CCDC93: variants seen among roughly 807,000 people sequenced by gnomAD.
CCDC93 encodes CCC complex scaffolding subunit CCDC93.
Under a neutral mutation model 108.2 loss-of-function variants are expected in CCDC93, and 61 were observed. The ratio of observed to expected loss-of-function variants is 0.56; its 90% CI spans 0.46 to 0.70. The LOEUF (loss-of-function observed/expected upper bound fraction) is 0.70, where lower values mean the gene tolerates loss of function less well. CCDC93 is among the 30% of genes least tolerant of loss of function. The pLI is 0.00. For missense variants in CCDC93, 685 were observed against 764.2 expected (o/e 0.90, Z 1.22); for synonymous variants, 276 against 260.4 (o/e 1.06, Z -0.58).
chr2:117,962,197 T>G (rs766093046), intron 11 of CCDC93, among the ~76,000 whole-genome samples: 19 of 152,230 alleles, frequency 1.2e-4, no homozygotes, highest in Non-Finnish European at 1.2e-4. Flanking sequence ...ACATCAACCT[T>G]CTAATACAGG....
chr2:117,951,599 C>T (rs772516240), intron 13 of CCDC93: 9 of 999,992 alleles, frequency 9.0e-6, no homozygotes, highest in African/African-American at 3.5e-5. Flanking sequence ...CCAGGAAGTA[C>T]GAGGTAGGGA....
chr2:117,989,266 C>T (rs373941901), intron 6 of CCDC93, among the ~76,000 whole-genome samples: 3 of 152,142 alleles, frequency 2.0e-5, no homozygotes, highest in African/African-American at 4.8e-5. Flanking sequence ...CAGACTCCCC[C>T]CTGTGTGATG....
At chr2:117,972,396 A>G (rs1395396201) in intron 11 of CCDC93, among the ~76,000 whole-genome samples, 2 of 152,212 alleles carry the variant, frequency 1.3e-5, no homozygotes, top group Non-Finnish European at 2.9e-5. Context: ...TTAGGAGATA[A>G]AGACACAGAG....
At chr2:117,928,452 C>T (rs1469794210) in intron 23 of CCDC93, among the ~76,000 whole-genome samples, 1 of 152,160 alleles carries the variant, frequency 6.6e-6, no homozygotes, top group South Asian at 2.1e-4. Flanking sequence ...GGGCAAAGGA[C>T]ATGAACAGAC....
chr2:117,958,326 T>C (rs764036297), intron 12 of CCDC93, 39 bp downstream of exon 12: 32 of 1,301,644 alleles, frequency 2.5e-5, no homozygotes, highest in African/African-American at 8.7e-5. Flanking sequence ...CAATCTACCA[T>C]GAAGATCTTG....
chr2:117,996,384 C>T (rs1479540448), intron 4 of CCDC93, 22 bp from the exon 5 acceptor site: 2 of 1,554,754 alleles, frequency 1.3e-6, no homozygotes, highest in East Asian at 2.2e-5. Context: ...AGTGAAAAGA[C>T]AAGAGTTGCT....
In CCDC93 at chr2:117,990,655, A is replaced by G. The variant is rs71422555; in HGVS notation, c.520-4586T>C. 3.3e-5 allele frequency among the ~76,000 whole-genome samples: 5 copies of G among 152,302 alleles called. No homozygotes were observed. In the East Asian group the frequency reaches 9.6e-4, roughly 29 times the overall value. On this transcript the variant is annotated intron_variant, in intron 6 of 23. Transcript: ENST00000376300. Reference sequence around the variant, plus strand: ...GAAGAAAAAAAAAAAAAACAGAGATACAAACTATAGTTGAACTAGTTCCAC... The same window carrying G: ...GAAGAAAAAAAAAAAAAACAGAGATGCAAACTATAGTTGAACTAGTTCCAC...
At chr2:117,969,387 C>T (rs931611325) in intron 11 of CCDC93, among the ~76,000 whole-genome samples, 1 of 152,218 alleles carries the variant, frequency 6.6e-6, no homozygotes, top group Non-Finnish European at 1.5e-5. Context: ...TCAGATGAGA[C>T]TGCAGCCTTG....
chr2:117,927,506 C>T (rs987131692), intron 23 of CCDC93, among the ~76,000 whole-genome samples: 3 of 152,094 alleles, frequency 2.0e-5, no homozygotes, highest in African/African-American at 2.4e-5. Context: ...TGAACTCCCA[C>T]TCACAACTGC....
At chr2:117,951,588 T>A (rs1318697321) in intron 13 of CCDC93, 1 of 999,994 alleles carries the variant, frequency 1.0e-6, no homozygotes, top group African/African-American at 1.7e-5. Context: ...TTCCAAATCG[T>A]CCAGGAAGTA....
chr2:118,005,895 T>C (rs1227188975), intron 3 of CCDC93, among the ~76,000 whole-genome samples: 1 of 152,112 alleles, frequency 6.6e-6, no homozygotes, highest in Non-Finnish European at 1.5e-5. Flanking sequence ...TTCCTGATGC[T>C]CAGTTACTCA....
chr2:117,927,990 A>G (rs1327039554), intron 23 of CCDC93, among the ~76,000 whole-genome samples: 2 of 152,234 alleles, frequency 1.3e-5, no homozygotes, highest in East Asian at 3.8e-4. Flanking sequence ...GACAAACCTG[A>G]CAAAAACAAG....
chr2:117,940,855 G>A (rs897968090), intron 19 of CCDC93, among the ~76,000 whole-genome samples: 2 of 152,206 alleles, frequency 1.3e-5, no homozygotes, highest in African/African-American at 2.4e-5. Context: ...AATGAGGACT[G>A]ATCTCTAGAC....
At chr2:117,978,751 T>C (rs1006499917) in intron 7 of CCDC93, among the ~76,000 whole-genome samples, 3 of 152,194 alleles carry the variant, frequency 2.0e-5, no homozygotes, top group African/African-American at 7.2e-5. Context: ...CAAAGTGCTG[T>C]AATCCCAGCA....
At chr2:118,000,959 A>G in intron 3 of CCDC93, 27 bp from the exon 4 acceptor site, 2 of 1,383,706 alleles carry the variant, frequency 1.4e-6, no homozygotes, top group Non-Finnish European at 2.1e-6. Context: ...ACAAGCAAAG[A>G]GTGAGGCATA....
chr2:117,975,347 T>C, intron 8 of CCDC93, 67 bp from the exon 9 acceptor site: 1 of 1,134,876 alleles, frequency 8.8e-7, no homozygotes. Context: ...AGGACAATAC[T>C]GACAAGAGGC....
At chr2:117,925,524 A>G (rs1201895308) in intron 23 of CCDC93, among the ~76,000 whole-genome samples, 1 of 152,206 alleles carries the variant, frequency 6.6e-6, no homozygotes, top group East Asian at 1.9e-4. Context: ...AGACACAAAG[A>G]AGGCTATTAC....
chr2:117,986,015 G>A lies in CCDC93; in HGVS notation c.574C>T (p.Leu192Phe), dbSNP rs200757900. The A allele has an allele frequency of 1.2e-6, 2 of 1,613,800 alleles. No individual in the cohort carries two copies. Among genetic ancestry groups the A allele is most frequent in the South Asian group, 2.2e-5 (2 of 91,064 alleles). The part of the protein sequence containing the change: ...YKRHQGAEEL[L>F]DEESRIHATL... Reference sequence around the variant, plus strand: ...GCATGGATTCGAGATTCTTCATCAAGTAGCTCCTCTGCTCCCTGGTGGCGT... The same window carrying A: ...GCATGGATTCGAGATTCTTCATCAAATAGCTCCTCTGCTCCCTGGTGGCGT... Residue 192 changes from leucine to phenylalanine, a missense_variant, in exon 7 of 24, where the codon CTT becomes TTT. Leu to Phe is a conservative substitution (Grantham distance 22). Transcript: ENST00000376300.
intron 7 of CCDC93, 68 bp downstream of exon 7, chr2:117,985,901 T>C: frequency 1.0e-6 from 1 of 956,698 alleles, no homozygotes; most frequent in Non-Finnish European, 1.6e-6. Flanking sequence ...GTCAAGTTAA[T>C]CCAAATGAAG....
Sources: gnomAD v4.1 joint callset for allele counts (sites outside exome capture counted in the v4.1 genomes callset) on GRCh38, gnomAD v4.1.1 for gene constraint, MANE v1.5 for transcripts, NCBI Gene and HGNC (gene_info 2026-07-23, HGNC 2026-07-21) for gene names.